Variants in TTN observed in about 807,000 individuals in gnomAD.
TTN encodes the protein titin.
TTN carries 1,525 observed loss-of-function variants against 3,223.0 expected under a neutral mutation model. The observed-to-expected ratio is 0.47, with a 90% CI of 0.45 to 0.49. The LOEUF (loss-of-function observed/expected upper bound fraction) is 0.49. Among genes scored for constraint, TTN ranks in the 20% least tolerant of loss-of-function variants. The probability of loss-of-function intolerance (pLI) is 0.00; values close to 1 mark genes in which losing one functional copy is unlikely to be tolerated. For missense variants in TTN, 40,786 were observed against 43,424.0 expected, an observed-to-expected ratio of 0.94 and a Z score of 5.40; for synonymous variants, 14,094 against 15,161.0, an observed-to-expected ratio of 0.93 and a Z score of 5.17.
At chr2:178,627,313 C>G (rs535626498) in intron 240 of TTN, among the ~76,000 whole-genome samples, 34 of 152,056 alleles carry the variant, frequency 2.2e-4, no homozygotes, top group Non-Finnish European at 4.1e-4. Context: ...ATTCCTACAG[C>G]TTGTTTTTGC....
At position 178,536,218 on chromosome 2, in the gene TTN, T is replaced by C; in HGVS notation, c.100529A>G (p.Gln33510Arg). The change falls in exon 357 of 363, where the codon CAG (glutamine) becomes CGG (arginine). Residue 33510 changes from glutamine to arginine, a missense_variant. By Grantham distance (43) the Gln-to-Arg change is conservative. Transcript: ENST00000589042. ...TTTGCAGACCAAGGTAGCATTGCTC[T>C]GATATCTGACATTTAGATTTCTCAG... ...EELRNLNVRYQSNATLVCKVT... is the reference protein window; with the variant it reads ...EELRNLNVRYRSNATLVCKVT... 6.2e-7 allele frequency: 1 copy of C among 1,613,356 alleles called. No homozygotes were observed. The highest frequency in any genetic ancestry group is 1.1e-5 in the South Asian group (1 of 90,998).
In TTN at chr2:178,704,535, G is replaced by A. The variant is rs878892843; in HGVS notation, c.29937C>T (p.Ile9979=). 20 of 1,611,532 alleles carry A rather than the reference G, an allele frequency of 1.2e-5. No individual in the cohort carries two copies. Among genetic ancestry groups the A allele is most frequent in the African/African-American group, 4.0e-5 (3 of 74,796 alleles). The change falls in exon 105 of 363, where the codon ATC becomes ATT. Residue 9979 remains isoleucine (I), a synonymous_variant. Transcript: ENST00000589042. The part of the protein sequence containing the change: ...GNYRLVCGPH[I]ASAKLTVIEP... ...CAATTACAGTTAGTTTAGCGCTAGC[G>A]ATGTGTGGACCACAAACCAATCGAT...
intron 13 of TTN, among the ~76,000 whole-genome samples, chr2:178,788,715 T>C (rs2154352996): frequency 6.6e-6 from 1 of 152,214 alleles, no homozygotes; most frequent in South Asian, 2.1e-4. Flanking sequence ...GGATATTTCA[T>C]AGCTACAAAT....
chr2:178,538,996 A>G lies in TTN; in HGVS notation c.98939T>C (p.Leu32980Pro). Residue 32980 changes from leucine (L) to proline (P), a missense_variant, in exon 353 of 363, where the codon CTG (leucine) becomes CCG (proline). Leu to Pro is a moderately conservative substitution (Grantham distance 98, BLOSUM62 -3). Transcript: ENST00000589042. Reference sequence around the variant, plus strand: ...TTCAGAAGCAGGGCTGGTCTCACTCAGGCCAACATCATTCTGTGCGATGAT... The same window carrying G: ...TTCAGAAGCAGGGCTGGTCTCACTCGGGCCAACATCATTCTGTGCGATGAT... Reference protein sequence around the residue: ...FRIIAQNDVGLSETSPASEPV... With the variant: ...FRIIAQNDVGPSETSPASEPV... The G allele has an allele frequency of 1.9e-6, 3 of 1,613,336 alleles. No homozygotes were observed. The highest frequency in any genetic ancestry group is 1.7e-5 in the Admixed American group (1 of 60,006).
Position 178,717,204 on chromosome 2 carries a change from A to G in TTN, c.25530T>C (p.Thr8510=), listed in dbSNP as rs2154298881. 1 of 1,613,682 alleles carries G rather than the reference A, an allele frequency of 6.2e-7. No individual in the cohort carries two copies. Among genetic ancestry groups the G allele is most frequent in the Non-Finnish European group, 8.5e-7 (1 of 1,179,664 alleles). The part of the protein sequence containing the change: ...GNYKMTLVEN[T]ATLTVLKVGK... Reference sequence around the variant, plus strand: ...CTACTTTGAGAACTGTCAGAGTGGCAGTATTTTCTACCAAAGTCATCTTGT... The same window carrying G: ...CTACTTTGAGAACTGTCAGAGTGGCGGTATTTTCTACCAAAGTCATCTTGT... The change falls in exon 88 of 363, where the codon ACT becomes ACC. Residue 8510 remains threonine, a synonymous_variant. Transcript: ENST00000589042.
chr2:178,688,369 G>A, intron 126 of TTN, 145 bp from the exon 127 acceptor site: 1 of 752,754 alleles, frequency 1.3e-6, no homozygotes, highest in Non-Finnish European at 2.2e-6. Flanking sequence ...GAAGGAGGAA[G>A]CTAATTTAAG....
Position 178,534,370 on chromosome 2 carries a change from G to T in TTN, c.102245C>A (p.Thr34082Asn), listed in dbSNP as rs1375940766. The change falls in exon 358 of 363, where the codon ACT becomes AAT. Residue 34082 changes from threonine to asparagine, a missense_variant. Physicochemically the swap from Thr to Asn is moderately conservative, Grantham distance 65 (BLOSUM62 0). Transcript: ENST00000589042. ...GTGTTTTAATGTTCTGATAACTTTA[G>T]TACTGACTCTTTCTATCTTCTGCTT... ...WLKQKIERVS[T>N]KVIRTLKHRR... 2.5e-6 allele frequency: 4 copies of T among 1,610,936 alleles called. No homozygotes were observed. Among genetic ancestry groups the T allele is most frequent in the Non-Finnish European group, 3.4e-6 (4 of 1,179,810 alleles).
In TTN at chr2:178,564,137, G is replaced by A; in HGVS notation, c.81995C>T (p.Thr27332Ile). The change falls in exon 326 of 363, where the codon ACA (threonine) becomes ATA (isoleucine). Residue 27332 changes from threonine (T) to isoleucine (I), a missense_variant. Coordinates refer to ENST00000589042, the MANE Select transcript of TTN (RefSeq NM_001267550.2). The part of the protein sequence containing the change: ...RMEIKSTIQK[T>I]TLVVKDCIRT... Reference sequence around the variant, plus strand: ...TATACAGTCTTTGACAACAAGAGTTGTTTTCTGAATAGTAGATTTAATTTC... The same window carrying A: ...TATACAGTCTTTGACAACAAGAGTTATTTTCTGAATAGTAGATTTAATTTC... 6.2e-7 allele frequency: 1 copy of A among 1,613,724 alleles called. No homozygotes were observed.
Position 178,527,285 on chromosome 2 carries a change from A to G in TTN, c.107703T>C (p.Ala35901=), listed in dbSNP as rs1395495333. 6.3e-7 allele frequency: 1 copy of G among 1,598,398 alleles called. No homozygotes were observed. Among genetic ancestry groups the G allele is most frequent in the Non-Finnish European group, 8.5e-7 (1 of 1,170,904 alleles). Residue 35901 remains alanine (A), a synonymous_variant, in exon 363 of 363, where the codon GCT becomes GCC. Transcript: ENST00000589042. Reference sequence around the variant, plus strand: ...CATCAATGCTGATATCAGATGGAAGAGCTTCAATTTTAGGCGGAATTCCTT... The same window carrying G: ...CATCAATGCTGATATCAGATGGAAGGGCTTCAATTTTAGGCGGAATTCCTT... ...GIRGIPPKIE[A]LPSDISIDEG...
chr2:178,555,465 C>G lies in TTN; in HGVS notation c.88307-313G>C, dbSNP rs866237541. The G allele has an allele frequency of 5.0e-5, 13 of 259,430 alleles. No homozygotes were observed. In the Middle Eastern group the frequency reaches 9.5e-3, roughly 189 times the overall value. The allele number at this position is 259,430 out of a possible 1,614,324, so 16.1% of individuals were successfully genotyped here. On this transcript the variant is annotated intron_variant, in intron 330 of 362. Transcript: ENST00000589042. ...AACATCATGGAAGAAGCTGTTAAAA[C>G]ATTTCCTTTCACTTTAGCTTTTCTT...
rs1195739289 is a variant in TTN, at chr2:178,587,938, C to T, written c.63469G>A (p.Ala21157Thr). The change falls in exon 305 of 363, where the codon GCA (alanine) becomes ACA (threonine). Residue 21157 changes from alanine (A) to threonine (T), a missense_variant. Physicochemically the swap from Ala to Thr is moderately conservative, Grantham distance 58. Coordinates refer to ENST00000589042, the MANE Select transcript of TTN (RefSeq NM_001267550.2). ...GGTTTGATAGCTTCCTTTAGCTCTG[C>T]AGGGCGCCCAATACCAACTTGGTTT... ...AQNQVGIGRP[A>T]ELKEAIKPKE... 6.2e-7 allele frequency: 1 copy of T among 1,606,984 alleles called. No homozygotes were observed. Among genetic ancestry groups the T allele is most frequent in the African/African-American group, 1.3e-5 (1 of 74,896 alleles).
chr2:178,724,663 T>TAA, intron 71 of TTN, 125 bp from the exon 72 acceptor site: 2 of 914,900 alleles, frequency 2.2e-6, no homozygotes, highest in Non-Finnish European at 1.5e-6. Flanking sequence ...CTCTCGACTT[T>TAA]AAAGTGTGAT....
At position 178,776,610 on chromosome 2, in the gene TTN, G is replaced by A. The variant is rs1259833413; in HGVS notation, c.5254C>T (p.Arg1752Cys). The A allele has an allele frequency of 5.6e-6, 9 of 1,613,876 alleles. No individual in the cohort carries two copies. Among genetic ancestry groups the A allele is most frequent in the Admixed American group, 1.7e-5 (1 of 59,980 alleles). Residue 1752 changes from arginine to cysteine, a missense_variant, in exon 28 of 363, where the codon CGT becomes TGT. By Grantham distance (180) the Arg-to-Cys change is radical. Transcript: ENST00000589042. ...CAGTACCCAAATTCATTGATCATAC[G>A]GAGCCTGTTGGCTGCTTCAAGTGGC... Reference protein sequence around the residue: ...GKPLEAANRLRMINEFGYCSL... With the variant: ...GKPLEAANRLCMINEFGYCSL...
At chr2:178,675,780 A>G in intron 148 of TTN, 26 bp from the exon 149 acceptor site, 1 of 1,492,248 alleles carries the variant, frequency 6.7e-7, no homozygotes, top group Non-Finnish European at 8.9e-7. Flanking sequence ...TTTATTTTAT[A>G]AGTTCAGTTT....
chr2:178,748,204 T>C, intron 47 of TTN: 2 of 1,613,144 alleles, frequency 1.2e-6, no homozygotes, highest in East Asian at 4.5e-5. Flanking sequence ...GTAGGGCACA[T>C]GATTCACTAT....
intron 159 of TTN, 132 bp from the exon 160 acceptor site, chr2:178,667,853 C>T (rs2066247603): frequency 3.3e-6 from 2 of 607,346 alleles, no homozygotes; most frequent in Non-Finnish European, 5.5e-6. Flanking sequence ...AAATTAGTGG[C>T]TAGAATGCAT....
In TTN at chr2:178,636,893, G is replaced by T; in HGVS notation, c.40928-94C>A. 7.3e-7 allele frequency: 1 copy of T among 1,377,590 alleles called. No homozygotes were observed. The highest frequency in any genetic ancestry group is 1.4e-5 in the African/African-American group (1 of 69,272). The allele number at this position is 1,377,590 out of a possible 1,614,324, so 85.3% of individuals were successfully genotyped here. The stretch of plus-strand genomic sequence containing the variant: ...CCTGCTGGATAAAACCAGCCGTAAA[G>T]CAATTAGAAGACGAGAAAACTAAAG... On this transcript the variant is annotated intron_variant, in intron 224 of 362. Transcript: ENST00000589042. The surrounding 1 kb of genome is among the most constrained non-coding windows in gnomAD (Gnocchi z 4.3).
chr2:178,739,352 T>C lies in TTN; in HGVS notation c.13881A>G (p.Thr4627=). ...SEEGDIVHLT[T]SITNAKEVNW... ...TCACCTCTTTAGCATTTGTTATGGA[T>C]GTTGTGAGGTGTACAATATCACCTT... Residue 4627 remains threonine, a synonymous_variant, in exon 48 of 363, where the codon ACA becomes ACG. Transcript: ENST00000589042. 1.2e-6 allele frequency: 2 copies of C among 1,613,880 alleles called. No individual in the cohort carries two copies. The highest frequency in any genetic ancestry group is 2.2e-5 in the East Asian group (1 of 44,850).
In TTN at chr2:178,595,487, A is replaced by C; in HGVS notation, c.57847+20T>G. The C allele has an allele frequency of 1.6e-6, 2 of 1,241,380 alleles. No individual in the cohort carries two copies. The highest frequency in any genetic ancestry group is 1.6e-5 in the African/African-American group (1 of 64,364). 76.9% of individuals were successfully genotyped at this position (1,241,380 alleles called of 1,614,324 possible). On this transcript the variant is annotated intron_variant, in intron 295 of 362. Coordinates refer to ENST00000589042, the MANE Select transcript of TTN (RefSeq NM_001267550.2). ...TGAGTAAAGAAGTGATTAAGTATAC[A>C]TTTTTTTTTTTTTACTTACTTATTG...
Sources: allele counts gnomAD v4.1 joint callset (sites outside exome capture counted in the v4.1 genomes callset), GRCh38; gene constraint gnomAD v4.1.1; non-coding constraint Gnocchi (gnomAD v3.1); transcripts MANE v1.5; gene names NCBI Gene and HGNC (gene_info 2026-07-23, HGNC 2026-07-21).